GPC6: variants seen among roughly 807,000 people sequenced by gnomAD.
The protein encoded by GPC6 is glypican-6.
Under a neutral mutation model 55.2 loss-of-function variants are expected in GPC6, and 14 were observed. That is an observed-to-expected ratio of 0.25 (90% CI 0.17 to 0.40). GPC6 has a LOEUF of 0.40. Among genes scored for constraint, GPC6 ranks in the 10% least tolerant of loss-of-function variants. The pLI is 1.00. For synonymous variants in GPC6, 278 were observed against 259.6 expected (o/e 1.07, Z -0.68); for missense variants, 641 against 708.5 (o/e 0.90, Z 1.08).
At chr13:93,980,961 A>G (rs1566632843) in intron 3 of GPC6, among the ~76,000 whole-genome samples, 1 of 152,198 alleles carries the variant, frequency 6.6e-6, no homozygotes, top group African/African-American at 2.4e-5. Context: ...CTGTTTTTAG[A>G]GAATGTGACC....
At chr13:93,505,827 G>A (rs951427073) in intron 1 of GPC6, among the ~76,000 whole-genome samples, 1 of 152,164 alleles carries the variant, frequency 6.6e-6, no homozygotes, top group Non-Finnish European at 1.5e-5. Flanking sequence ...ACAGGTTAGT[G>A]AATGACTATG....
intron 1 of GPC6, chr13:93,395,303 C>T: frequency 2.0e-6 from 1 of 488,210 alleles, no homozygotes; most frequent in Admixed American, 2.2e-5. Context: ...GGATGAAGCA[C>T]CAGCCATCTC....
chr13:93,545,908 G>A (rs371294766), intron 2 of GPC6, among the ~76,000 whole-genome samples: 7 of 152,246 alleles, frequency 4.6e-5, no homozygotes, highest in African/African-American at 1.7e-4. Context: ...TTGCAGTTAT[G>A]CATTCTGTAT....
intron 2 of GPC6, among the ~76,000 whole-genome samples, chr13:93,550,329 T>C (rs1875075578): frequency 6.6e-6 from 1 of 152,126 alleles, no homozygotes; most frequent in African/African-American, 2.4e-5. Flanking sequence ...TGAAATATAT[T>C]CACATTTGGA....
chr13:93,709,662 G>A (rs1234214364), intron 2 of GPC6, among the ~76,000 whole-genome samples: 2 of 151,668 alleles, frequency 1.3e-5, no homozygotes. Flanking sequence ...AAAGAGATTT[G>A]GATTCTTTGG....
At chr13:93,831,812 C>G (rs138042565) in intron 3 of GPC6, among the ~76,000 whole-genome samples, 1 of 151,178 alleles carries the variant, frequency 6.6e-6, no homozygotes. Context: ...ATATCTTTGC[C>G]GGGCGCGGTG....
chr13:93,364,735 A>G (rs933855596), intron 1 of GPC6, among the ~76,000 whole-genome samples: 4 of 151,378 alleles, frequency 2.6e-5, no homozygotes, highest in Non-Finnish European at 5.9e-5. Flanking sequence ...ATATGTATAT[A>G]TATATGTATT....
intron 2 of GPC6, among the ~76,000 whole-genome samples, chr13:93,626,638 C>T (rs1879211576): frequency 6.6e-6 from 1 of 151,940 alleles, no homozygotes; most frequent in Non-Finnish European, 1.5e-5. Flanking sequence ...CCCGTCTCTA[C>T]TAAAAATACA....
At chr13:93,673,220 G>C (rs1415198233) in intron 2 of GPC6, among the ~76,000 whole-genome samples, 2 of 152,136 alleles carry the variant, frequency 1.3e-5, no homozygotes, top group Non-Finnish European at 2.9e-5. Context: ...GCAGACCTCA[G>C]GGTCCTGCTC....
At chr13:94,276,413 G>T (rs1044565440) in intron 4 of GPC6, among the ~76,000 whole-genome samples, 4 of 152,162 alleles carry the variant, frequency 2.6e-5, no homozygotes, top group Admixed American at 6.5e-5. Flanking sequence ...GGCAGAGGTG[G>T]CATTAGGCAA....
chr13:93,950,291 CCAAGACTAT>C lies in GPC6; in HGVS notation c.712-77437_712-77429del, dbSNP rs1410974287. ...AATGAAAACGTTAGAAGCCTAATTGCCAAGACTATGCCTTATTTATGATAGTAACTGGTG... is the reference window on the plus strand; with the variant it reads ...AATGAAAACGTTAGAAGCCTAATTGCGCCTTATTTATGATAGTAACTGGTG... On this transcript the variant is annotated intron_variant, in intron 3 of 8. Coordinates refer to ENST00000377047, the MANE Select transcript of GPC6 (RefSeq NM_005708.5). Among the ~76,000 whole-genome samples the C allele has an allele frequency of 2.6e-5, 4 of 152,208 alleles. No individual in the cohort carries two copies. The South Asian group carries it at 6.2e-4, about 24-fold the overall frequency.
intron 4 of GPC6, among the ~76,000 whole-genome samples, chr13:94,126,231 A>G (rs867558289): frequency 1.3e-5 from 2 of 152,070 alleles, no homozygotes; most frequent in African/African-American, 4.8e-5. Flanking sequence ...AAAAAATTGA[A>G]AATTAGTTGG....
At chr13:93,359,992 A>G (rs1166185669) in intron 1 of GPC6, among the ~76,000 whole-genome samples, 1 of 152,180 alleles carries the variant, frequency 6.6e-6, no homozygotes, top group Non-Finnish European at 1.5e-5. Context: ...TGGAATTTTT[A>G]CTCTTTACCC....
intron 3 of GPC6, among the ~76,000 whole-genome samples, chr13:93,840,661 T>C (rs935563633): frequency 1.3e-5 from 2 of 152,128 alleles, no homozygotes; most frequent in Non-Finnish European, 2.9e-5. Flanking sequence ...TGTACAACCA[T>C]GATGAGCTTT....
chr13:93,299,821 A>G (rs551834688), intron 1 of GPC6, among the ~76,000 whole-genome samples: 1 of 152,332 alleles, frequency 6.6e-6, no homozygotes, highest in Admixed American at 6.5e-5. Flanking sequence ...GAGGAGATCA[A>G]GTACTGTTCT....
intron 1 of GPC6, among the ~76,000 whole-genome samples, chr13:93,436,708 G>C (rs866814982): frequency 2.0e-5 from 3 of 152,098 alleles, no homozygotes; most frequent in Admixed American, 6.6e-5. Context: ...CAAAAGGCTT[G>C]CTGCCCACTA....
intron 4 of GPC6, among the ~76,000 whole-genome samples, chr13:94,040,477 TATAA>T (rs1251747209): frequency 1.3e-5 from 2 of 151,756 alleles, no homozygotes; most frequent in African/African-American, 2.4e-5. Context: ...TGCCCTAGAG[TATAA>T]ATAATTTCCC....
At chr13:94,318,225 TGAAA>T (rs1349753083) in intron 6 of GPC6, among the ~76,000 whole-genome samples, 2 of 152,182 alleles carry the variant, frequency 1.3e-5, no homozygotes, top group Non-Finnish European at 2.9e-5. Flanking sequence ...TATCAATTAC[TGAAA>T]GAGAGATTTT....
At position 94,406,890 on chromosome 13, in the gene GPC6, T is replaced by A. The variant is rs1881390812; in HGVS notation, c.*3673T>A. 1 of 152,100 alleles carries A rather than the reference T, an allele frequency of 6.6e-6. No homozygotes were observed. The highest frequency in any genetic ancestry group is 2.4e-5 in the African/African-American group (1 of 41,456). The allele number at this position is 152,100 out of a possible 1,614,324, so 9.4% of individuals were successfully genotyped here. ...AAAACTTGCAGAAATTTAAACACAT[T>A]TCCATTTACTTACTAACGAACAGAC... On this transcript the variant is annotated 3_prime_UTR_variant, in exon 9 of 9. Coordinates refer to ENST00000377047, the MANE Select transcript of GPC6 (RefSeq NM_005708.5).
Sources: allele counts gnomAD v4.1 joint callset (sites outside exome capture counted in the v4.1 genomes callset), GRCh38; gene constraint gnomAD v4.1.1; transcripts MANE v1.5; gene names NCBI Gene and HGNC (gene_info 2026-07-23, HGNC 2026-07-21).